Variants in AUTS2 observed in about 807,000 individuals in gnomAD.
AUTS2 encodes activator of transcription and developmental regulator AUTS2, also known as autism susceptibility gene 2 protein.
In AUTS2, 17 loss-of-function variants were observed where a neutral mutation model predicts 112.4. The observed-to-expected ratio is 0.15, with a 90% CI of 0.10 to 0.23. The LOEUF is 0.23. Among genes scored for constraint, AUTS2 ranks in the 10% least tolerant of loss-of-function variants. AUTS2 has a pLI of 1.00. For missense variants in AUTS2, 1,510 were observed against 1,701.6 expected, an observed-to-expected ratio of 0.89 and a Z score of 1.98; for synonymous variants, 751 against 702.7, an observed-to-expected ratio of 1.07 and a Z score of -1.09.
chr7:70,337,505 G>T (rs558665402), intron 4 of AUTS2, among the ~76,000 whole-genome samples: 1 of 152,258 alleles, frequency 6.6e-6, no homozygotes, highest in South Asian at 2.1e-4. Context: ...GCACTGTTCT[G>T]GAGGGTGAAT....
intron 6 of AUTS2, among the ~76,000 whole-genome samples, chr7:70,738,527 A>G (rs1787908167): frequency 6.6e-6 from 1 of 150,936 alleles, no homozygotes; most frequent in South Asian, 2.1e-4. Flanking sequence ...CTTTTATATC[A>G]TTGCTAGCTG....
intron 1 of AUTS2, among the ~76,000 whole-genome samples, chr7:69,659,657 T>G (rs894580434): frequency 1.5e-4 from 21 of 142,724 alleles, no homozygotes; most frequent in Non-Finnish European, 2.7e-4. Context: ...TTCCCGAAGT[T>G]TTACAGTTAG....
intron 2 of AUTS2, among the ~76,000 whole-genome samples, chr7:70,043,552 CCTTCCTTCCTT>C (rs1801342475): frequency 4.2e-3 from 16 of 3,788 alleles, no homozygotes; most frequent in Middle Eastern, 0.17. Flanking sequence ...TCCCTCCCTT[CCTTCCTTCCTT>C]CCTTCCTTCC....
At chr7:70,036,718 C>T (rs983101466) in intron 2 of AUTS2, among the ~76,000 whole-genome samples, 2 of 152,188 alleles carry the variant, frequency 1.3e-5, no homozygotes, top group African/African-American at 4.8e-5. Context: ...CTAGGAATTA[C>T]AGAAGAGTTA....
chr7:70,382,358 C>G (rs770677037), intron 4 of AUTS2, among the ~76,000 whole-genome samples: 1 of 152,160 alleles, frequency 6.6e-6, no homozygotes, highest in Admixed American at 6.5e-5. Flanking sequence ...TCTGATGTGT[C>G]CTACACATCA....
At chr7:69,791,506 C>G (rs1285340810) in intron 1 of AUTS2, among the ~76,000 whole-genome samples, 1 of 152,174 alleles carries the variant, frequency 6.6e-6, no homozygotes, top group Non-Finnish European at 1.5e-5. Flanking sequence ...CACGTCGTTT[C>G]ATACATCTGC....
chr7:70,068,807 C>T (rs541501155), intron 2 of AUTS2, among the ~76,000 whole-genome samples: 1 of 152,162 alleles, frequency 6.6e-6, no homozygotes, highest in South Asian at 2.1e-4. Flanking sequence ...CAGAGAAATG[C>T]TCACACATGT....
chr7:70,056,372 A>AG (rs957379265), intron 2 of AUTS2, among the ~76,000 whole-genome samples: 56 of 152,026 alleles, frequency 3.7e-4, no homozygotes, highest in South Asian at 4.1e-4. Context: ...AATCATTCTG[A>AG]GGGGGGTTTT....
At chr7:70,014,889 A>G (rs1226319140) in intron 2 of AUTS2, among the ~76,000 whole-genome samples, 5 of 152,242 alleles carry the variant, frequency 3.3e-5, no homozygotes, top group African/African-American at 1.2e-4. Context: ...CCAAAAAAGC[A>G]TTTTCAGACA....
chr7:70,214,997 A>T (rs1220674018), intron 4 of AUTS2, among the ~76,000 whole-genome samples: 1 of 152,210 alleles, frequency 6.6e-6, no homozygotes, highest in Non-Finnish European at 1.5e-5. Context: ...TAAAAGATAG[A>T]TACTAAGCCA....
chr7:70,137,898 G>C (rs1414597865), intron 4 of AUTS2, among the ~76,000 whole-genome samples: 1 of 152,094 alleles, frequency 6.6e-6, no homozygotes, highest in Admixed American at 6.6e-5. Context: ...TATTCTTCTT[G>C]TAGCTTTCTC....
chr7:70,721,862 A>G (rs909849439), intron 6 of AUTS2, among the ~76,000 whole-genome samples: 4 of 152,128 alleles, frequency 2.6e-5, no homozygotes, highest in African/African-American at 4.8e-5. Context: ...AGTCATTTCA[A>G]TGTTAAAAGT....
chr7:70,568,281 TCTAA>T (rs1441594762), intron 5 of AUTS2, among the ~76,000 whole-genome samples: 2 of 152,184 alleles, frequency 1.3e-5, no homozygotes, highest in Non-Finnish European at 2.9e-5. Context: ...TGACTTTTCC[TCTAA>T]CTGTGTGACC....
chr7:69,801,310 AAAGGAGATGG>A (rs1441933035), intron 1 of AUTS2, among the ~76,000 whole-genome samples: 2 of 151,216 alleles, frequency 1.3e-5, no homozygotes, highest in Non-Finnish European at 2.9e-5. Context: ...AAATAAACAG[AAAGGAGATGG>A]AAGTTGATAC....
intron 4 of AUTS2, among the ~76,000 whole-genome samples, chr7:70,306,166 G>C (rs577334368): frequency 7.2e-5 from 11 of 152,314 alleles, no homozygotes; most frequent in Non-Finnish European, 1.0e-4. Flanking sequence ...ATTAGAAAGG[G>C]AAATGTTACT....
At chr7:69,675,760 G>A (rs1248241475) in intron 1 of AUTS2, among the ~76,000 whole-genome samples, 1 of 151,896 alleles carries the variant, frequency 6.6e-6, no homozygotes, top group East Asian at 1.9e-4. Context: ...TCCTGTCTTG[G>A]CCTCCCACAG....
rs1562747212 is a variant in AUTS2, at chr7:69,599,754, C to T, written c.101C>T (p.Ala34Val). The T allele has an allele frequency of 1.5e-6, 2 of 1,365,388 alleles. No homozygotes were observed. The highest frequency in any genetic ancestry group is 3.8e-5 in the Admixed American group (1 of 26,376). The allele number at this position is 1,365,388 out of a possible 1,614,324, so 84.6% of individuals were successfully genotyped here. ...RRSRGGLGAG[A>V]AGGGGAGRTR... ...TCCCGGGGCGGGCTGGGGGCCGGCG[C>T]GGCCGGCGGCGGCGGGGCTGGCCGG... Residue 34 changes from alanine (A) to valine (V), a missense_variant, in exon 1 of 19, where the codon GCG becomes GTG. Coordinates refer to ENST00000342771, the MANE Select transcript of AUTS2 (RefSeq NM_015570.4). The surrounding 1 kb of genome is among the most constrained non-coding windows in gnomAD (Gnocchi z 7.0).
chr7:70,652,388 T>C (rs1008131189), intron 5 of AUTS2, among the ~76,000 whole-genome samples: 2 of 152,114 alleles, frequency 1.3e-5, no homozygotes, highest in African/African-American at 4.8e-5. Context: ...CCATTTAAAG[T>C]GTAAAAATGG....
chr7:70,376,865 C>T (rs182342160), intron 4 of AUTS2, among the ~76,000 whole-genome samples: 6 of 151,302 alleles, frequency 4.0e-5, no homozygotes, highest in Admixed American at 2.0e-4. Flanking sequence ...CTTTGGGAGC[C>T]TCTTGGTTTT....
Sources: gnomAD v4.1 joint callset for allele counts (sites outside exome capture counted in the v4.1 genomes callset) on GRCh38, gnomAD v4.1.1 for gene constraint, Gnocchi (gnomAD v3.1) non-coding constraint, MANE v1.5 for transcripts, NCBI Gene and HGNC (gene_info 2026-07-23, HGNC 2026-07-21) for gene names.